The following PIGB variants were observed in gnomAD, a reference collection of about 807,000 sequenced individuals.
The protein encoded by PIGB is GPI alpha-1,2-mannosyltransferase 3.
Under a neutral mutation model 68.4 loss-of-function variants are expected in PIGB, and 58 were observed. The observed-to-expected ratio is 0.85, with a 90% CI of 0.69 to 1.06. The LOEUF is 1.06. Ranked by LOEUF, PIGB falls within the 50% of genes least tolerant of loss-of-function variation. The pLI, the probability that PIGB is intolerant of heterozygous loss-of-function variation, is 0.00. For synonymous variants in PIGB, 219 were observed against 220.5 expected (o/e 0.99, Z 0.06); for missense variants, 634 against 655.8 (o/e 0.97, Z 0.36).
At chr15:55,353,234 T>C (rs1474820595) in intron 10 of PIGB, among the ~76,000 whole-genome samples, 2 of 152,224 alleles carry the variant, frequency 1.3e-5, no homozygotes, top group Admixed American at 1.3e-4. Context: ...TGCATCAGAC[T>C]TGGAAGTAGA....
chr15:55,355,336 C>A lies in PIGB; in HGVS notation c.1569C>A (p.Phe523Leu). Residue 523 changes from phenylalanine to leucine, a missense_variant, in exon 12 of 12, where the codon TTC (phenylalanine) becomes TTA (leucine). Physicochemically the swap from Phe to Leu is conservative, Grantham distance 22. Transcript: ENST00000164305. ...ISSNYKRTAV[F>L]FHTHLPEGRI... ...GCAATTATAAAAGAACTGCTGTTTT[C>A]TTCCACACTCACTTGCCAGAGGGTC... is the stretch of plus-strand genomic sequence containing the variant. 4.3e-6 allele frequency: 7 copies of A among 1,611,138 alleles called. No homozygotes were observed. The highest frequency in any genetic ancestry group is 1.7e-5 in the Admixed American group (1 of 59,920).
At chr15:55,321,646 C>CTTTTT (rs966940527) in intron 3 of PIGB, among the ~76,000 whole-genome samples, 26 of 68,300 alleles carry the variant, frequency 3.8e-4, no homozygotes, top group South Asian at 6.1e-4. Context: ...ATACTTCTTT[C>CTTTTT]TTTTTTTTTT....
At chr15:55,321,069 C>A (rs1172648791) in intron 2 of PIGB, among the ~76,000 whole-genome samples, 1 of 152,018 alleles carries the variant, frequency 6.6e-6, no homozygotes, top group Non-Finnish European at 1.5e-5. Context: ...TGTTTTAAGA[C>A]TGCCACAAAA....
At chr15:55,344,487 G>C (rs1268590700) in intron 9 of PIGB, among the ~76,000 whole-genome samples, 1 of 152,232 alleles carries the variant, frequency 6.6e-6, no homozygotes, top group African/African-American at 2.4e-5. Flanking sequence ...ACTGGGCCAG[G>C]CCAGATTCAA....
chr15:55,336,492 C>T (rs1046453717), intron 6 of PIGB, among the ~76,000 whole-genome samples: 6 of 152,328 alleles, frequency 3.9e-5, no homozygotes, highest in East Asian at 3.9e-4. Context: ...GTGCTCAGAA[C>T]GCTTACATTA....
At chr15:55,355,126 C>G in intron 11 of PIGB, 148 bp downstream of exon 11, 1 of 892,120 alleles carries the variant, frequency 1.1e-6, no homozygotes, top group Non-Finnish European at 1.7e-6. Flanking sequence ...AAAATTAGCC[C>G]CAGTTCTGTA....
In PIGB at chr15:55,321,287, C is replaced by G. The variant is rs1370993509; in HGVS notation, c.314C>G (p.Thr105Ser). 6.3e-7 allele frequency: 1 copy of G among 1,599,328 alleles called. No homozygotes were observed. Among genetic ancestry groups the G allele is most frequent in the Non-Finnish European group, 8.5e-7 (1 of 1,171,678 alleles). Residue 105 changes from threonine (T) to serine (S), a missense_variant, in exon 3 of 12, where the codon ACT becomes AGT. Transcript: ENST00000164305. ...AATGTTACTAATTATGGTTATTTGA[C>G]TTGGGAATGGACAGAGAGACTGAGG... ...HHMVFNYGYL[T>S]WEWTERLRSY...
At chr15:55,330,209 T>C (rs2055382905) in intron 5 of PIGB, among the ~76,000 whole-genome samples, 1 of 151,770 alleles carries the variant, frequency 6.6e-6, no homozygotes, top group African/African-American at 2.4e-5. Context: ...TGTAAGAGAG[T>C]GCCCCAGCAG....
chr15:55,327,516 T>G lies in PIGB; in HGVS notation c.418-15T>G, dbSNP rs1352504047. 1.3e-6 allele frequency: 2 copies of G among 1,552,674 alleles called. No individual in the cohort carries two copies. Among genetic ancestry groups the G allele is most frequent in the African/African-American group, 2.7e-5 (2 of 73,370 alleles). On this transcript the variant is annotated splice_polypyrimidine_tract_variant and intron_variant, in intron 3 of 11. Transcript: ENST00000164305. The stretch of plus-strand genomic sequence containing the variant: ...GATATTTTTAACATCCTGTTCTTCT[T>G]TTTAACTGATGAAGATTTGGATTCC...
chr15:55,350,786 G>C lies in PIGB; in HGVS notation c.1211G>C (p.Gly404Ala), dbSNP rs200653335. The C allele has an allele frequency of 4.3e-6, 7 of 1,612,786 alleles. No homozygotes were observed. Among genetic ancestry groups the C allele is most frequent in the Admixed American group, 1.7e-5 (1 of 59,998 alleles). The change falls in exon 10 of 12, where the codon GGT becomes GCT. Residue 404 changes from glycine (G) to alanine (A), a missense_variant. Gly to Ala is a moderately conservative substitution (Grantham distance 60, BLOSUM62 0). Transcript: ENST00000164305. ...LSNLFLALYT[G>A]LVHQRGTLDV... ...AATTTGTTCCTCGCCCTTTATACTG[G>C]TTTAGTTCATCAACGAGGTACTCTT...
Position 55,319,341 on chromosome 15 carries a change from A to C in PIGB, c.91A>C (p.Lys31Gln). The change falls in exon 1 of 12, where the codon AAG becomes CAG. Residue 31 changes from lysine (K) to glutamine (Q), a missense_variant. By Grantham distance (53) the Lys-to-Gln change is moderately conservative (BLOSUM62 1). Coordinates refer to ENST00000164305, the MANE Select transcript of PIGB (RefSeq NM_004855.5). ...TGGTCTCCAGAACCGCTCCCACGGC[A>C]AGATAAAGCTGCGAAAGAGAAAGTC... ...LHGLQNRSHG[K>Q]IKLRKRKSTL... The C allele has an allele frequency of 1.3e-6, 2 of 1,578,602 alleles. No homozygotes were observed. Among genetic ancestry groups the C allele is most frequent in the Non-Finnish European group, 1.7e-6 (2 of 1,161,716 alleles).
At chr15:55,328,580 A>C (rs75914098) in intron 4 of PIGB, among the ~76,000 whole-genome samples, 2 of 152,350 alleles carry the variant, frequency 1.3e-5, no homozygotes, top group African/African-American at 4.8e-5. Flanking sequence ...GGTTAGCCTC[A>C]TTATTTTGTG....
intron 9 of PIGB, among the ~76,000 whole-genome samples, chr15:55,347,888 A>G (rs1333247677): frequency 6.6e-6 from 1 of 151,574 alleles, no homozygotes; most frequent in Non-Finnish European, 1.5e-5. Flanking sequence ...ATCTTCCAGC[A>G]TTCTACCCAG....
In PIGB at chr15:55,319,258, G is replaced by C. The variant is rs772860275; in HGVS notation, c.8G>C (p.Arg3Thr). 3 of 1,606,042 alleles carry C rather than the reference G, an allele frequency of 1.9e-6. No homozygotes were observed. The South Asian group carries it at 3.4e-5, about 18-fold the overall frequency. The change falls in exon 1 of 12, where the codon AGG becomes ACG. Residue 3 changes from arginine to threonine, a missense_variant. Coordinates refer to ENST00000164305, the MANE Select transcript of PIGB (RefSeq NM_004855.5). ...GGAAGGTGGCGGCCAGGGATGAGGA[G>C]GCCCCTAAGCAAGTGCGGAATGGAG... MR[R>T]PLSKCGMEPG...
Position 55,334,016 on chromosome 15 carries a change from G to A in PIGB, c.794+9G>A, listed in dbSNP as rs1461592919. The A allele has an allele frequency of 1.3e-6, 2 of 1,550,310 alleles. No homozygotes were observed. The highest frequency in any genetic ancestry group is 1.7e-6 in the Non-Finnish European group (2 of 1,147,016). On this transcript the variant is annotated intron_variant, in intron 6 of 11. Transcript: ENST00000164305. ...CATTTTTTACCTGTAGGGTAAGTGT[G>A]GCAATAATCCATCCATTTATTTTAG...
rs555237321 is a variant in PIGB, at chr15:55,353,083, TGAG to T, written c.1338-1711_1338-1709del. The stretch of plus-strand genomic sequence containing the variant: ...TCCGTGCTCACATTAGGGATAATAC[TGAG>T]GAGAACAGGAATCCTAGATGTACCA... On this transcript the variant is annotated intron_variant, in intron 10 of 11. Transcript: ENST00000164305. Among the ~76,000 whole-genome samples, 65 of 152,300 alleles carry T rather than the reference TGAG, an allele frequency of 4.3e-4. No individual in the cohort carries two copies. The East Asian group carries it at 0.011, about 27-fold the overall frequency.
intron 7 of PIGB, 128 bp from the exon 8 acceptor site, chr15:55,340,484 T>C (rs937357581): frequency 3.6e-5 from 20 of 551,330 alleles, no homozygotes; most frequent in South Asian, 2.3e-4. Flanking sequence ...AAATTATTAA[T>C]GTAAACTATT....
chr15:55,343,852 G>A (rs562153518), intron 9 of PIGB, among the ~76,000 whole-genome samples: 45 of 152,258 alleles, frequency 3.0e-4, no homozygotes, highest in African/African-American at 8.2e-4. Flanking sequence ...ATTCCTAGGA[G>A]ATTTGTACTT....
intron 6 of PIGB, among the ~76,000 whole-genome samples, chr15:55,336,307 TC>T (rs138973209): frequency 0.032 from 4,897 of 152,216 alleles, 84 homozygotes; most frequent in Non-Finnish European, 0.041. Context: ...GAGGATCCCT[TC>T]AACCCAGGAG....
Sources: gnomAD v4.1 joint callset for allele counts (sites outside exome capture counted in the v4.1 genomes callset) on GRCh38, gnomAD v4.1.1 for gene constraint, MANE v1.5 for transcripts, NCBI Gene and HGNC (gene_info 2026-07-23, HGNC 2026-07-21) for gene names.